The following TMIGD3 variants were observed in gnomAD, a reference collection of about 807,000 sequenced individuals.
TMIGD3 encodes AD026 protein (AD026).
TMIGD3 carries 21 observed loss-of-function variants against 28.1 expected under a neutral mutation model. The observed-to-expected ratio is 0.75, with a 90% CI of 0.53 to 1.08. The LOEUF is 1.08. Ranked by LOEUF, TMIGD3 falls within the 50% of genes least tolerant of loss-of-function variation. TMIGD3 has a pLI of 0.00. For missense variants in TMIGD3, 416 were observed against 435.6 expected (o/e 0.96, Z 0.40); for synonymous variants, 151 against 162.1 (o/e 0.93, Z 0.52).
At position 111,557,501 on chromosome 1, in the gene TMIGD3, G is replaced by A. The variant is rs146904656; in HGVS notation, c.107+6345C>T. Among the ~76,000 whole-genome samples, 439 of 150,374 alleles carry A rather than the reference G, an allele frequency of 2.9e-3. 3 individuals are homozygous for A. The highest frequency in any genetic ancestry group is 0.01 in the African/African-American group (411 of 40,868). On this transcript the variant is annotated intron_variant, in intron 1 of 5. Transcript: ENST00000369717. ...GGAGGAGGAGGTTGCAGTGAGCCGA[G>A]ATCACACCACTGCACTCCAGCCTGG...
At chr1:111,537,470 A>G (rs1656675396) in intron 1 of TMIGD3, among the ~76,000 whole-genome samples, 1 of 152,260 alleles carries the variant, frequency 6.6e-6, no homozygotes, top group African/African-American at 2.4e-5. Flanking sequence ...AGACAGGTGT[A>G]TAAACAGCAA....
In TMIGD3 at chr1:111,483,713, C is replaced by G. The variant is rs769243256; in HGVS notation, c.1018G>C (p.Glu340Gln). ...CACATCTGTTCAGTAGGAGCCATTT[C>G]CTTTGGAGTCAGGACACGCGAGAAG... is the stretch of plus-strand genomic sequence containing the variant. ...KPFSRVLTPK[E>Q]MAPTEQM The change falls in exon 6 of 6, where the codon GAA becomes CAA. Residue 340 changes from glutamate (E) to glutamine (Q), a missense_variant. Glu to Gln is a conservative substitution (Grantham distance 29). Coordinates refer to ENST00000369716, the MANE Select transcript of TMIGD3 (RefSeq NM_020683.7). The G allele has an allele frequency of 1.2e-6, 2 of 1,613,966 alleles. No homozygotes were observed. Among genetic ancestry groups the G allele is most frequent in the Admixed American group, 3.3e-5 (2 of 60,006 alleles).
chr1:111,504,289 G>A (rs1655397435), upstream of TMIGD3, among the ~76,000 whole-genome samples: 2 of 152,216 alleles, frequency 1.3e-5, no homozygotes, highest in Admixed American at 1.3e-4. Context: ...ACCTATGTGA[G>A]GAACGACAGA....
chr1:111,543,928 A>G (rs1244011325), intron 1 of TMIGD3, among the ~76,000 whole-genome samples: 2 of 152,144 alleles, frequency 1.3e-5, no homozygotes, highest in Non-Finnish European at 2.9e-5. Flanking sequence ...TCTTCTTAGG[A>G]GGTATTTCAT....
At chr1:111,527,581 T>A (rs913984583) in intron 1 of TMIGD3, among the ~76,000 whole-genome samples, 8 of 152,248 alleles carry the variant, frequency 5.3e-5, no homozygotes, top group Admixed American at 2.6e-4. Flanking sequence ...TGTCAGAAAC[T>A]GCCAAACTGT....
chr1:111,534,845 T>C (rs891914029), intron 1 of TMIGD3, among the ~76,000 whole-genome samples: 1 of 152,184 alleles, frequency 6.6e-6, no homozygotes, highest in Non-Finnish European at 1.5e-5. Context: ...ACCCCCTATT[T>C]ACTCTCCCAT....
intron 1 of TMIGD3, among the ~76,000 whole-genome samples, chr1:111,513,181 G>A (rs895202811): frequency 5.3e-5 from 8 of 152,202 alleles, no homozygotes; most frequent in Non-Finnish European, 1.2e-4. Flanking sequence ...AGAGTATTCA[G>A]AGCAATAATC....
upstream of TMIGD3, among the ~76,000 whole-genome samples, chr1:111,508,184 C>T (rs933449070): frequency 1.9e-4 from 29 of 150,996 alleles, no homozygotes. Context: ...CAGCCTCACC[C>T]ACCAGACCCC....
At chr1:111,549,339 T>C (rs1327196629) in intron 1 of TMIGD3, among the ~76,000 whole-genome samples, 11 of 150,862 alleles carry the variant, frequency 7.3e-5, no homozygotes, top group African/African-American at 2.0e-4. Context: ...GTCTTTTTCC[T>C]TTTTTTCCCC....
chr1:111,539,926 A>G (rs1204358332), intron 1 of TMIGD3, among the ~76,000 whole-genome samples: 1 of 152,178 alleles, frequency 6.6e-6, no homozygotes, highest in Non-Finnish European at 1.5e-5. Context: ...TTGAGAACCT[A>G]AATATGTTTG....
chr1:111,504,695 C>T (rs555823104), upstream of TMIGD3, among the ~76,000 whole-genome samples: 177 of 152,270 alleles, frequency 1.2e-3, no homozygotes, highest in African/African-American at 4.1e-3. Flanking sequence ...ACAACAATGG[C>T]GTTCTGGTGT....
intron 1 of TMIGD3, among the ~76,000 whole-genome samples, chr1:111,523,883 T>G (rs1233347343): frequency 6.6e-6 from 1 of 151,942 alleles, no homozygotes; most frequent in African/African-American, 2.4e-5. Flanking sequence ...TTTATTAATA[T>G]TTTCAAAGAA....
At chr1:111,486,780 G>T in intron 3 of TMIGD3, 128 bp from the exon 4 acceptor site, 2 of 792,746 alleles carry the variant, frequency 2.5e-6, no homozygotes, top group Non-Finnish European at 4.4e-6. Flanking sequence ...CCAGAGTAAA[G>T]CAGAGGTACC....
chr1:111,506,914 TATA>T (rs1655513993), upstream of TMIGD3, among the ~76,000 whole-genome samples: 1 of 13,572 alleles, frequency 7.4e-5, no homozygotes, highest in Non-Finnish European at 1.8e-4. Flanking sequence ...ATATATATAT[TATA>T]TATATATATA....
intron 1 of TMIGD3, among the ~76,000 whole-genome samples, chr1:111,509,781 T>A (rs1428398865): frequency 6.6e-6 from 1 of 152,258 alleles, no homozygotes; most frequent in Non-Finnish European, 1.5e-5. Context: ...AATTCACATG[T>A]GCCAGGCACT....
intron 1 of TMIGD3, among the ~76,000 whole-genome samples, chr1:111,514,747 C>T (rs1179514253): frequency 6.6e-6 from 1 of 152,058 alleles, no homozygotes; most frequent in African/African-American, 2.4e-5. Flanking sequence ...GTTCAGACTT[C>T]CCCATGCAGT....
At chr1:111,509,610 C>G (rs539398277) in intron 1 of TMIGD3, among the ~76,000 whole-genome samples, 2 of 152,224 alleles carry the variant, frequency 1.3e-5, no homozygotes, top group African/African-American at 4.8e-5. Context: ...TAACCTGCTA[C>G]CTACCAAATG....
intron 1 of TMIGD3, among the ~76,000 whole-genome samples, chr1:111,523,890 A>T (rs1395227139): frequency 6.6e-6 from 1 of 151,848 alleles, no homozygotes; most frequent in African/African-American, 2.4e-5. Flanking sequence ...ATATTTTCAA[A>T]GAATCTGCTT....
At chr1:111,537,467 T>G (rs972914116) in intron 1 of TMIGD3, among the ~76,000 whole-genome samples, 16 of 152,204 alleles carry the variant, frequency 1.1e-4, no homozygotes, top group African/African-American at 3.6e-4. Context: ...TAAAGACAGG[T>G]GTATAAACAG....
Sources: gnomAD v4.1 joint callset for allele counts (sites outside exome capture counted in the v4.1 genomes callset) on GRCh38, gnomAD v4.1.1 for gene constraint, MANE v1.5 for transcripts, NCBI Gene and HGNC (gene_info 2026-07-23, HGNC 2026-07-21) for gene names.